CCDC73: variants seen among roughly 807,000 people sequenced by gnomAD.
CCDC73 encodes coiled-coil domain containing 73, also known as coiled-coil domain-containing protein 73.
A neutral mutation model predicts 116.5 loss-of-function variants in CCDC73; 95 were observed. That is an observed-to-expected ratio of 0.82 (90% CI 0.69 to 0.97). The LOEUF (loss-of-function observed/expected upper bound fraction) is 0.97. CCDC73 is among the 50% of genes least tolerant of loss of function. CCDC73 has a pLI of 0.00. For synonymous variants in CCDC73, 398 were observed against 401.3 expected, an observed-to-expected ratio of 0.99 and a Z score of 0.10; for missense variants, 1,066 against 1,206.8, an observed-to-expected ratio of 0.88 and a Z score of 1.73.
intron 3 of CCDC73, among the ~76,000 whole-genome samples, chr11:32,716,473 A>G (rs574734371): frequency 1.1e-4 from 16 of 152,212 alleles, no homozygotes; most frequent in African/African-American, 3.6e-4. Context: ...TTCTTTTTAA[A>G]TTTCCCAGCC....
chr11:32,727,505 T>C (rs1368153514), intron 2 of CCDC73, among the ~76,000 whole-genome samples: 1 of 152,220 alleles, frequency 6.6e-6, no homozygotes, highest in African/African-American at 2.4e-5. Context: ...ACTATGTAAC[T>C]ACCTTGTTTC....
Position 32,658,916 on chromosome 11 carries a change from C to T in CCDC73, c.646-3944G>A, listed in dbSNP as rs114881120. Among the ~76,000 whole-genome samples the T allele has an allele frequency of 7.2e-3, 1,087 of 151,714 alleles. 16 individuals are homozygous for T. The highest frequency in any genetic ancestry group is 0.025 in the African/African-American group (1,049 of 41,374). On this transcript the variant is annotated intron_variant, in intron 9 of 17. Transcript: ENST00000335185. ...CCATGAAATGCGAAAGGAAGAAACA[C>T]AAAAATGGAAAGGAAATAGAAAGTG... is the stretch of plus-strand genomic sequence containing the variant.
intron 6 of CCDC73, among the ~76,000 whole-genome samples, chr11:32,692,938 T>C (rs1407882727): frequency 6.6e-6 from 1 of 152,216 alleles, no homozygotes; most frequent in Non-Finnish European, 1.5e-5. Flanking sequence ...GTTTTATTTG[T>C]CAGGTAATTT....
chr11:32,613,747 C>A lies in CCDC73; in HGVS notation c.2571G>T (p.Met857Ile). The change falls in exon 16 of 18, where the codon ATG (methionine) becomes ATT (isoleucine). Residue 857 changes from methionine to isoleucine, a missense_variant. Physicochemically the swap from Met to Ile is conservative, Grantham distance 10. Transcript: ENST00000335185. ...ESLNDIVSGK[M>I]FSEGQLEESH... The stretch of plus-strand genomic sequence containing the variant: ...ATTCCTCCAGCTGTCCTTCACTGAA[C>A]ATTTTTCCTGAAACAATGTCATTTA... 6 of 1,614,018 alleles carry A rather than the reference C, an allele frequency of 3.7e-6. No homozygotes were observed. The highest frequency in any genetic ancestry group is 5.1e-6 in the Non-Finnish European group (6 of 1,179,968).
At chr11:32,698,312 C>A (rs1849776035) in intron 6 of CCDC73, among the ~76,000 whole-genome samples, 1 of 152,160 alleles carries the variant, frequency 6.6e-6, no homozygotes, top group Non-Finnish European at 1.5e-5. Context: ...GCATGAGCCA[C>A]CACGCCCAGC....
the CCDC73 span, among the ~76,000 whole-genome samples, chr11:32,802,739 T>C: frequency 1.2e-4 from 18 of 152,292 alleles, no homozygotes; most frequent in East Asian, 3.3e-3. Flanking sequence ...AGATTATCCC[T>C]GTTTTCTGAA....
chr11:32,624,386 CTT>C (rs1855550363), intron 14 of CCDC73, among the ~76,000 whole-genome samples: 1 of 151,994 alleles, frequency 6.6e-6, no homozygotes, highest in Admixed American at 6.6e-5. Flanking sequence ...TGAGAAAGCT[CTT>C]TGACCCAGCA....
chr11:32,702,400 C>T lies in CCDC73; in HGVS notation c.279+473G>A, dbSNP rs1243375284. ...TTTTTGTACTACTATTTCTTAGTTA[C>T]TGATGATTGATATTTATGGAGGCTA... On this transcript the variant is annotated intron_variant, in intron 4 of 17. Coordinates refer to ENST00000335185, the MANE Select transcript of CCDC73 (RefSeq NM_001008391.4). 3.3e-5 allele frequency among the ~76,000 whole-genome samples: 5 copies of T among 152,088 alleles called. No individual in the cohort carries two copies. The East Asian group carries it at 9.6e-4, about 29-fold the overall frequency.
intron 9 of CCDC73, among the ~76,000 whole-genome samples, chr11:32,656,146 C>T (rs992314009): frequency 1.3e-5 from 2 of 151,502 alleles, no homozygotes; most frequent in Non-Finnish European, 2.9e-5. Context: ...GGCACGATCT[C>T]GGCTCACTGC....
intron 2 of CCDC73, among the ~76,000 whole-genome samples, chr11:32,736,379 A>G (rs1850129187): frequency 6.6e-6 from 1 of 152,216 alleles, no homozygotes; most frequent in African/African-American, 2.4e-5. Context: ...TCAAAAGAAG[A>G]CACTTATGCA....
chr11:32,748,273 T>G (rs987505130), intron 2 of CCDC73, among the ~76,000 whole-genome samples: 2 of 152,174 alleles, frequency 1.3e-5, no homozygotes, highest in Non-Finnish European at 2.9e-5. Flanking sequence ...TTTAATTCCT[T>G]GCTTTTTATT....
In CCDC73 at chr11:32,752,656, A is replaced by ATTTTTT. The variant is rs760257699; in HGVS notation, c.135+7452_135+7453insAAAAAA. Among the ~76,000 whole-genome samples, 477 of 152,330 alleles carry ATTTTTT rather than the reference A, an allele frequency of 3.1e-3. 3 individuals are homozygous for ATTTTTT. Among genetic ancestry groups the ATTTTTT allele is most frequent in the Non-Finnish European group, 4.3e-3 (295 of 68,036 alleles). ...TTTAATCTGCATTTATTTTATTAGTAGTAAAGTTAAGCATATTTTTGTACA... is the reference window on the plus strand; with the variant it reads ...TTTAATCTGCATTTATTTTATTAGTATTTTTTGTAAAGTTAAGCATATTTTTGTACA... On this transcript the variant is annotated intron_variant, in intron 2 of 17. Transcript: ENST00000335185.
intron 2 of CCDC73, among the ~76,000 whole-genome samples, chr11:32,741,671 T>G (rs981764480): frequency 1.3e-5 from 2 of 151,918 alleles, no homozygotes; most frequent in African/African-American, 4.8e-5. Context: ...TATATATATT[T>G]ATATATACTT....
chr11:32,615,859 G>A, intron 15 of CCDC73, 81 bp downstream of exon 15: 1 of 1,219,552 alleles, frequency 8.2e-7, no homozygotes, highest in East Asian at 2.7e-5. Context: ...AAGAGGGGAG[G>A]CAGAATGTAA....
intron 7 of CCDC73, among the ~76,000 whole-genome samples, chr11:32,679,298 GAA>G (rs1459272442): frequency 2.6e-5 from 4 of 152,094 alleles, no homozygotes; most frequent in Non-Finnish European, 5.9e-5. Context: ...CAGATGTCTA[GAA>G]ACCTAACACA....
At chr11:32,719,417 C>T (rs1018441196) in intron 2 of CCDC73, among the ~76,000 whole-genome samples, 1 of 152,100 alleles carries the variant, frequency 6.6e-6, no homozygotes, top group African/African-American at 2.4e-5. Flanking sequence ...AAGTCAGTAG[C>T]CACACACAAC....
In CCDC73 at chr11:32,613,646, G is replaced by T; in HGVS notation, c.2672C>A (p.Ser891Ter). ...SGRSTFDLST[S>*]DKKTEKTPVY... ...TGGAGTTTTCTCAGTTTTTTTATCT[G>T]AAGTTGAAAGATCAAAGGTTGACCT... The change falls in exon 16 of 18, where the codon TCA becomes TAA. Residue 891 changes from serine to a stop codon, truncating the protein, a stop_gained. Coordinates refer to ENST00000335185, the MANE Select transcript of CCDC73 (RefSeq NM_001008391.4). LOFTEE classifies it high-confidence loss of function. The T allele has an allele frequency of 6.2e-7, 1 of 1,613,986 alleles. No homozygotes were observed. The highest frequency in any genetic ancestry group is 8.5e-7 in the Non-Finnish European group (1 of 1,179,964).
rs751048455 is a variant in CCDC73 at position 32,614,511 on chromosome 11, GT to G, written c.1806del (p.Lys602AsnfsTer14). On this transcript the variant is annotated frameshift_variant, in exon 16 of 18. Coordinates refer to ENST00000335185, the MANE Select transcript of CCDC73 (RefSeq NM_001008391.4). LOFTEE classifies it high-confidence loss of function. ...CGAGTCCCTGGAAGCAATCTGAATTGTTTGAATGGCTCATTTTCAGAAACAT... is the reference window on the plus strand; with the variant it reads ...CGAGTCCCTGGAAGCAATCTGAATTGTTGAATGGCTCATTTTCAGAAACAT... ...NKDVSENEPF[K>X]QFRLLPGTRE... 4.3e-6 allele frequency: 7 copies of G among 1,613,186 alleles called. No homozygotes were observed. The highest frequency in any genetic ancestry group is 5.9e-6 in the Non-Finnish European group (7 of 1,179,492).
chr11:32,642,529 C>T (rs1855742442), intron 12 of CCDC73, among the ~76,000 whole-genome samples: 1 of 151,936 alleles, frequency 6.6e-6, no homozygotes, highest in Admixed American at 6.6e-5. Flanking sequence ...TTCAAATTAA[C>T]ACTTTTTAAG....
Sources: gnomAD v4.1 joint callset for allele counts (sites outside exome capture counted in the v4.1 genomes callset) on GRCh38, gnomAD v4.1.1 for gene constraint, MANE v1.5 for transcripts, NCBI Gene and HGNC (gene_info 2026-07-23, HGNC 2026-07-21) for gene names.